The following SLC26A5 variants were observed in gnomAD, a reference collection of about 807,000 sequenced individuals.
The protein encoded by SLC26A5 is prestin.
Under a neutral mutation model 81.0 loss-of-function variants are expected in SLC26A5, and 51 were observed. The ratio of observed to expected loss-of-function variants is 0.63; its 90% CI spans 0.50 to 0.80. SLC26A5 has a LOEUF of 0.80. Ranked by LOEUF, SLC26A5 falls within the 30% of genes least tolerant of loss-of-function variation. The pLI, the probability that SLC26A5 is intolerant of heterozygous loss-of-function variation, is 0.00. For missense variants in SLC26A5, 771 were observed against 905.8 expected, an observed-to-expected ratio of 0.85 and a Z score of 1.91; for synonymous variants, 325 against 332.8, an observed-to-expected ratio of 0.98 and a Z score of 0.25.
chr7:103,371,915 T>C (rs572004183), downstream of SLC26A5, among the ~76,000 whole-genome samples: 8 of 151,940 alleles, frequency 5.3e-5, no homozygotes, highest in South Asian at 1.7e-3. Context: ...CAGGCTGGTC[T>C]TGAATTCCTG....
rs137865848 is a variant in SLC26A5 at position 103,421,363 on chromosome 7, G to A, written c.152C>T (p.Thr51Ile). 36 of 1,613,982 alleles carry A rather than the reference G, an allele frequency of 2.2e-5. 1 individual carries two copies. Among genetic ancestry groups the A allele is most frequent in the African/African-American group, 4.0e-5 (3 of 75,016 alleles). The stretch of plus-strand genomic sequence containing the variant: ...AGAAACAGGTTAAAAGGCAACGTAC[G>A]TGAATGCCTGTTTCAGCTTATCCGC... ...SIADKLKQAF[T>I]CTPKKIRNII... is the part of the protein sequence containing the mutation. Residue 51 changes from threonine to isoleucine, a missense_variant and splice_region_variant, in exon 3 of 20, where the codon ACA (threonine) becomes ATA (isoleucine). Transcript: ENST00000306312.
At position 103,374,587 on chromosome 7, in the gene SLC26A5, C is replaced by A; in HGVS notation, c.2047G>T (p.Val683Phe). ...YVYLAGCSAQ[V>F]VNDLTRNRFF... ...CTATTCCGAGTGAGGTCATTCACAA[C>A]TTGTGCTATTAAAAGAAGAAAAGAA... is the stretch of plus-strand genomic sequence containing the variant. Residue 683 changes from valine to phenylalanine, a missense_variant, in exon 20 of 20, where the codon GTT becomes TTT. Val to Phe is a conservative substitution (Grantham distance 50). Coordinates refer to ENST00000306312, the MANE Select transcript of SLC26A5 (RefSeq NM_198999.3). The A allele has an allele frequency of 6.2e-7, 1 of 1,613,552 alleles. No homozygotes were observed. Among genetic ancestry groups the A allele is most frequent in the Non-Finnish European group, 8.5e-7 (1 of 1,179,930 alleles).
intron 19 of SLC26A5, among the ~76,000 whole-genome samples, chr7:103,359,458 A>C (rs1298655642): frequency 1.3e-5 from 2 of 152,058 alleles, no homozygotes; most frequent in African/African-American, 2.4e-5. Context: ...TTGTCACCCC[A>C]AAAACAAACC....
chr7:103,356,057 C>T (rs1233550929), intron 19 of SLC26A5, among the ~76,000 whole-genome samples: 2 of 152,170 alleles, frequency 1.3e-5, no homozygotes, highest in Non-Finnish European at 2.9e-5. Context: ...TACTTGCTTT[C>T]CCGTTGCCCT....
chr7:103,444,024 T>G (rs577527175), intron 1 of SLC26A5, among the ~76,000 whole-genome samples: 4 of 152,204 alleles, frequency 2.6e-5, no homozygotes, highest in African/African-American at 9.6e-5. Flanking sequence ...AGGGTGAAGG[T>G]GGGGAGAAGA....
intron 8 of SLC26A5, among the ~76,000 whole-genome samples, 171 bp downstream of exon 8, chr7:103,407,680 G>A (rs1824162710): frequency 6.6e-6 from 1 of 151,984 alleles, no homozygotes; most frequent in South Asian, 2.1e-4. Flanking sequence ...ATGTTTTAAG[G>A]CTTTTTCTTT....
intron 19 of SLC26A5, chr7:103,353,867 AAATTTT>A: frequency 6.7e-7 from 1 of 1,497,954 alleles, no homozygotes; most frequent in Non-Finnish European, 9.2e-7. Context: ...TCTTTTTTAA[AAATTTT>A]AATTCTAGTT....
chr7:103,385,156 TTTGTTG>T (rs201951222), intron 14 of SLC26A5, among the ~76,000 whole-genome samples: 2 of 151,486 alleles, frequency 1.3e-5, no homozygotes, highest in African/African-American at 4.9e-5. Flanking sequence ...TGATTGTCTC[TTTGTTG>T]TTGTTGTTGT....
chr7:103,397,538 C>T (rs1586274317), intron 9 of SLC26A5, among the ~76,000 whole-genome samples: 1 of 49,028 alleles, frequency 2.0e-5, no homozygotes, highest in African/African-American at 7.2e-5. Context: ...AAGACTCCAT[C>T]TCAAAAAAAA....
intron 14 of SLC26A5, 66 bp from the exon 15 acceptor site, chr7:103,380,615 T>C: frequency 7.1e-7 from 1 of 1,418,402 alleles, no homozygotes; most frequent in Non-Finnish European, 1.0e-6. Flanking sequence ...CAGGAGGTTG[T>C]GTATGTTTAT....
At chr7:103,401,516 T>C (rs1476448034) in intron 8 of SLC26A5, among the ~76,000 whole-genome samples, 1 of 152,174 alleles carries the variant, frequency 6.6e-6, no homozygotes, top group Non-Finnish European at 1.5e-5. Flanking sequence ...AAACAGACAA[T>C]TTGACTTCCT....
rs147292144 is a variant in SLC26A5, at chr7:103,374,471, T to A, written c.2163A>T (p.Glu721Asp). Reference protein sequence around the residue: ...LGSQLREALAEQEASAPPSQE... With the variant: ...LGSQLREALADQEASAPPSQE... ...GGGAAGGGGGAGCCGAGGCTTCCTG[T>A]TCAGCAAGTGCCTCTCTAAGTTGGC... Residue 721 changes from glutamate to aspartate, a missense_variant, in exon 20 of 20, where the codon GAA becomes GAT. Coordinates refer to ENST00000306312, the MANE Select transcript of SLC26A5 (RefSeq NM_198999.3). 3.7e-6 allele frequency: 6 copies of A among 1,613,462 alleles called. No individual in the cohort carries two copies. In the African/African-American group the frequency reaches 6.7e-5, roughly 18 times the overall value.
rs951118886 is a variant in SLC26A5, at chr7:103,392,830, G to C, written c.1119+89C>G. ...CTGACCTCATGATCCGCCTGCCTTG[G>C]CCTCCCGAAGTGCTGGGATTACAGG... On this transcript the variant is annotated intron_variant, in intron 10 of 19. Coordinates refer to ENST00000306312, the MANE Select transcript of SLC26A5 (RefSeq NM_198999.3). 53 of 1,532,344 alleles carry C rather than the reference G, an allele frequency of 3.5e-5. No individual in the cohort carries two copies. The African/African-American group carries it at 3.5e-4, about 10-fold the overall frequency. 94.9% of individuals were successfully genotyped at this position (1,532,344 alleles called of 1,614,324 possible).
intron 14 of SLC26A5, among the ~76,000 whole-genome samples, chr7:103,382,495 G>C (rs1268370321): frequency 6.6e-6 from 1 of 151,580 alleles, no homozygotes; most frequent in African/African-American, 2.4e-5. Context: ...GATTACAGTT[G>C]TGCGCCACCA....
chr7:103,417,104 G>C (rs1824967284), intron 4 of SLC26A5, among the ~76,000 whole-genome samples: 1 of 152,034 alleles, frequency 6.6e-6, no homozygotes, highest in South Asian at 2.1e-4. Context: ...GGGCACAGTG[G>C]CTCACCCCTG....
At chr7:103,412,750 T>C (rs1218724695) in intron 5 of SLC26A5, among the ~76,000 whole-genome samples, 1 of 151,942 alleles carries the variant, frequency 6.6e-6, no homozygotes, top group Non-Finnish European at 1.5e-5. Flanking sequence ...GGGGTTTCAC[T>C]ATGTTGGTCT....
intron 19 of SLC26A5, among the ~76,000 whole-genome samples, chr7:103,375,534 A>G (rs995878526): frequency 1.3e-5 from 2 of 152,114 alleles, no homozygotes; most frequent in African/African-American, 4.8e-5. Flanking sequence ...ATTTTTGGCA[A>G]TCTTACAGGT....
chr7:103,421,560 G>A lies in SLC26A5; in HGVS notation c.-46C>T, dbSNP rs1562795667. The A allele has an allele frequency of 2.5e-6, 4 of 1,598,798 alleles. No homozygotes were observed. The highest frequency in any genetic ancestry group is 1.1e-5 in the South Asian group (1 of 90,816). On this transcript the variant is annotated 5_prime_UTR_variant, in exon 3 of 20. Coordinates refer to ENST00000306312, the MANE Select transcript of SLC26A5 (RefSeq NM_198999.3). ...TAACAGCCGGAGACAAGCATTTCCT[G>A]AGTGTCACTAGGGGAAAAAAGAAAA...
At chr7:103,439,232 C>A (rs997057470) in intron 2 of SLC26A5, among the ~76,000 whole-genome samples, 4 of 151,982 alleles carry the variant, frequency 2.6e-5, no homozygotes, top group African/African-American at 9.7e-5. Context: ...GGAAAGGAAG[C>A]ACAAGGGGAG....
Sources: allele counts gnomAD v4.1 joint callset (sites outside exome capture counted in the v4.1 genomes callset), GRCh38; gene constraint gnomAD v4.1.1; transcripts MANE v1.5; gene names NCBI Gene and HGNC (gene_info 2026-07-23, HGNC 2026-07-21).